CPLANE1: variants seen among roughly 807,000 people sequenced by gnomAD.
The protein encoded by CPLANE1 is ciliogenesis and planar polarity effector complex subunit 1.
A neutral mutation model predicts 362.5 loss-of-function variants in CPLANE1; 263 were observed. That is an observed-to-expected ratio of 0.73 (90% CI 0.66 to 0.80). The LOEUF (loss-of-function observed/expected upper bound fraction) is 0.80, where lower values mean the gene tolerates loss of function less well. Among genes scored for constraint, CPLANE1 ranks in the 30% least tolerant of loss-of-function variants. The pLI, the probability that CPLANE1 is intolerant of heterozygous loss-of-function variation, is 0.00. For synonymous variants in CPLANE1, 1,212 were observed against 1,302.6 expected, an observed-to-expected ratio of 0.93 and a Z score of 1.50; for missense variants, 3,461 against 3,793.4, an observed-to-expected ratio of 0.91 and a Z score of 2.30.
chr5:37,082,054 T>C, the CPLANE1 span, among the ~76,000 whole-genome samples: 45 of 150,980 alleles, frequency 3.0e-4, no homozygotes, highest in Middle Eastern at 3.4e-3. Context: ...GATCGCGCCA[T>C]TGCACTCCAG....
intron 34 of CPLANE1, 35 bp from the exon 35 acceptor site, chr5:37,167,248 T>C: frequency 2.0e-6 from 3 of 1,526,862 alleles, no homozygotes; most frequent in Non-Finnish European, 2.7e-6. Flanking sequence ...GAATGACAAA[T>C]TGCAAACTCA....
In CPLANE1 at chr5:37,205,423, G is replaced by A. The variant is rs199563006; in HGVS notation, c.3181C>T (p.Arg1061Cys). The A allele has an allele frequency of 8.5e-5, 132 of 1,546,804 alleles. No individual in the cohort carries two copies. Among genetic ancestry groups the A allele is most frequent in the Non-Finnish European group, 1.0e-4 (119 of 1,144,644 alleles). ...TGAAAAATCTGTGCTGGAGTCATAC[G>A]GAGTGGTAGATTCAGACTCTTTTTC... Reference protein sequence around the residue: ...SKKKSLNLPLRMTPAQIFQEK... With the variant: ...SKKKSLNLPLCMTPAQIFQEK... The change falls in exon 18 of 53, where the codon CGT becomes TGT. Residue 1061 changes from arginine to cysteine, a missense_variant. Arg to Cys is a radical substitution (Grantham distance 180). Coordinates refer to ENST00000651892, the MANE Select transcript of CPLANE1 (RefSeq NM_001384732.1).
intron 16 of CPLANE1, among the ~76,000 whole-genome samples, chr5:37,206,961 T>A (rs1228264000): frequency 6.6e-6 from 1 of 152,006 alleles, no homozygotes; most frequent in South Asian, 2.1e-4. Context: ...AAAGACTAAG[T>A]TGAGGTAACA....
intron 43 of CPLANE1, 32 bp downstream of exon 43, chr5:37,148,149 A>C: frequency 6.5e-7 from 1 of 1,534,686 alleles, no homozygotes; most frequent in Non-Finnish European, 9.0e-7. Context: ...CTAAAGCAAG[A>C]CTTCAGCCAG....
At chr5:37,222,894 T>G (rs1478310914) in intron 14 of CPLANE1, among the ~76,000 whole-genome samples, 2 of 152,214 alleles carry the variant, frequency 1.3e-5, no homozygotes, top group African/African-American at 4.8e-5. Context: ...CACGCCCCTA[T>G]GTCATAGTCC....
chr5:37,205,533 A>T, intron 17 of CPLANE1, 79 bp from the exon 18 acceptor site: 1 of 951,072 alleles, frequency 1.1e-6, no homozygotes, highest in Non-Finnish European at 1.5e-6. Flanking sequence ...AGGACTAAAC[A>T]TGAAAGTTTA....
chr5:37,210,328 A>G (rs1792238372), intron 16 of CPLANE1: 20 of 1,370,716 alleles, frequency 1.5e-5, no homozygotes, highest in Non-Finnish European at 2.1e-5. Flanking sequence ...GAAAAACATA[A>G]AAGTATGACT....
chr5:37,107,670 C>A lies in CPLANE1; in HGVS notation c.9688G>T (p.Ala3230Ser), dbSNP rs1421414177. 1 of 1,611,264 alleles carries A rather than the reference C, an allele frequency of 6.2e-7. No homozygotes were observed. Among genetic ancestry groups the A allele is most frequent in the African/African-American group, 1.3e-5 (1 of 74,864 alleles). The change falls in exon 53 of 53, where the codon GCC (alanine) becomes TCC (serine). Residue 3230 changes from alanine (A) to serine (S), a missense_variant. Coordinates refer to ENST00000651892, the MANE Select transcript of CPLANE1 (RefSeq NM_001384732.1). ...ACGCTGGCCACCATGTCTTCGATGG[C>A]ATTCCAGTCCAGCTTGCTGAGGATG... ...GSILSKLDWN[A>S]IEDMVASVED...
At position 37,162,455 on chromosome 5, in the gene CPLANE1, C is replaced by G. The variant is rs1043144779; in HGVS notation, c.7690+10G>C. 3.2e-6 allele frequency: 5 copies of G among 1,542,494 alleles called. No homozygotes were observed. The highest frequency in any genetic ancestry group is 1.8e-5 in the Admixed American group (1 of 56,128). Reference sequence around the variant, plus strand: ...ATATGAATTTTTTTAAAAAGTAAAACAGCATTTACCTGGGTCTGTATTTGT... The same window carrying G: ...ATATGAATTTTTTTAAAAAGTAAAAGAGCATTTACCTGGGTCTGTATTTGT... On this transcript the variant is annotated intron_variant, in intron 38 of 52. Coordinates refer to ENST00000651892, the MANE Select transcript of CPLANE1 (RefSeq NM_001384732.1).
intron 8 of CPLANE1, among the ~76,000 whole-genome samples, chr5:37,232,096 G>A (rs1561683769): frequency 6.6e-6 from 1 of 152,170 alleles, no homozygotes; most frequent in African/African-American, 2.4e-5. Context: ...GTTAGAAGCT[G>A]TAAGAGGAAA....
chr5:37,136,815 G>A (rs578261691), intron 46 of CPLANE1, among the ~76,000 whole-genome samples: 17 of 152,352 alleles, frequency 1.1e-4, no homozygotes, highest in Middle Eastern at 6.8e-3. Flanking sequence ...GTATCTTGGC[G>A]CCTTCTAGCC....
intron 52 of CPLANE1, 42 bp downstream of exon 52, chr5:37,108,251 T>C (rs375032007): frequency 2.5e-5 from 38 of 1,543,308 alleles, no homozygotes; most frequent in Middle Eastern, 1.8e-4. Context: ...CTGAAGAACA[T>C]AGAGCAATCA....
the CPLANE1 span, among the ~76,000 whole-genome samples, chr5:37,087,150 G>A: frequency 6.6e-6 from 1 of 152,122 alleles, no homozygotes; most frequent in African/African-American, 2.4e-5. Context: ...CATAACACAT[G>A]GTTCCCGAAA....
rs753378921 is a variant in CPLANE1, at chr5:37,221,213, G to A, written c.2746+111C>T. On this transcript the variant is annotated intron_variant, in intron 15 of 52. Coordinates refer to ENST00000651892, the MANE Select transcript of CPLANE1 (RefSeq NM_001384732.1). Reference sequence around the variant, plus strand: ...GCATTCTGTAGTCCTAGCCACTTGAGGCGGCTGAGGTAGAAGGATTACTTG... The same window carrying A: ...GCATTCTGTAGTCCTAGCCACTTGAAGCGGCTGAGGTAGAAGGATTACTTG... 31 of 610,058 alleles carry A rather than the reference G, an allele frequency of 5.1e-5. 1 individual carries two copies. The highest frequency in any genetic ancestry group is 8.3e-5 in the Non-Finnish European group (30 of 361,128). The allele number at this position is 610,058 out of a possible 1,614,324, so 37.8% of individuals were successfully genotyped here. A position where few individuals can be genotyped will look rare whatever the true frequency, so the allele number is the denominator to read the frequency against.
intron 8 of CPLANE1, among the ~76,000 whole-genome samples, chr5:37,237,064 T>C (rs972810501): frequency 6.6e-6 from 1 of 152,184 alleles, no homozygotes; most frequent in Non-Finnish European, 1.5e-5. Flanking sequence ...GGAACTACCA[T>C]TCAATCTAGT....
At chr5:37,110,253 C>T (rs979549576) in intron 51 of CPLANE1, among the ~76,000 whole-genome samples, 5 of 152,168 alleles carry the variant, frequency 3.3e-5, no homozygotes, top group Non-Finnish European at 5.9e-5. Flanking sequence ...CCATATCTCT[C>T]GTCACCTTTC....
intron 12 of CPLANE1, among the ~76,000 whole-genome samples, chr5:37,226,101 C>G (rs1355197959): frequency 6.6e-6 from 1 of 151,996 alleles, no homozygotes; most frequent in Admixed American, 6.6e-5. Context: ...TGAGTGCTAA[C>G]AGATAAAAGA....
intron 21 of CPLANE1, among the ~76,000 whole-genome samples, chr5:37,194,114 G>A (rs868646420): frequency 6.6e-6 from 1 of 151,816 alleles, no homozygotes; most frequent in East Asian, 1.9e-4. Context: ...AGTAGAGACA[G>A]GGTTTTACCA....
At chr5:37,163,023 A>G (rs1026654072) in intron 37 of CPLANE1, among the ~76,000 whole-genome samples, 1 of 152,222 alleles carries the variant, frequency 6.6e-6, no homozygotes, top group Non-Finnish European at 1.5e-5. Context: ...GTTGAATCTC[A>G]AAGACATGGT....
Sources: gnomAD v4.1 joint callset for allele counts (sites outside exome capture counted in the v4.1 genomes callset) on GRCh38, gnomAD v4.1.1 for gene constraint, MANE v1.5 for transcripts, NCBI Gene and HGNC (gene_info 2026-07-23, HGNC 2026-07-21) for gene names.